The following CSMD3 variants were observed in gnomAD, a reference collection of about 807,000 sequenced individuals.
The protein encoded by CSMD3 is CUB and sushi domain-containing protein 3.
A neutral mutation model predicts 435.2 loss-of-function variants in CSMD3; 177 were observed. The observed-to-expected ratio is 0.41, with a 90% CI of 0.36 to 0.46. CSMD3 has a LOEUF of 0.46. CSMD3 is among the 20% of genes least tolerant of loss of function. The pLI, the probability that CSMD3 is intolerant of heterozygous loss-of-function variation, is 0.34. For synonymous variants in CSMD3, 1,656 were observed against 1,520.5 expected (o/e 1.09, Z -2.07); for missense variants, 4,265 against 4,504.6 (o/e 0.95, Z 1.52).
At chr8:112,628,594 G>A (rs1280339456) in intron 22 of CSMD3, among the ~76,000 whole-genome samples, 1 of 152,154 alleles carries the variant, frequency 6.6e-6, no homozygotes. Flanking sequence ...GTAAATGAAA[G>A]TTAGTAAGTT....
At chr8:112,353,592 T>A (rs994132588) in intron 38 of CSMD3, among the ~76,000 whole-genome samples, 2 of 152,118 alleles carry the variant, frequency 1.3e-5, no homozygotes, top group Admixed American at 1.3e-4. Flanking sequence ...CAAGATAGAA[T>A]TTTTTATCTA....
At chr8:112,897,688 CTCTCTCTGTGTG>C (rs1453672348) in intron 10 of CSMD3, among the ~76,000 whole-genome samples, 90 of 89,776 alleles carry the variant, frequency 1.0e-3, no homozygotes, top group East Asian at 1.9e-3. Flanking sequence ...CTCTCTCTCT[CTCTCTCTGTGTG>C]TGTGTGTGTG....
intron 1 of CSMD3, among the ~76,000 whole-genome samples, chr8:113,338,725 G>T (rs1160006612): frequency 6.6e-6 from 1 of 151,870 alleles, no homozygotes; most frequent in South Asian, 2.1e-4. Context: ...CTGCACAGAG[G>T]TAAGTGGCTG....
intron 4 of CSMD3, among the ~76,000 whole-genome samples, chr8:113,172,101 C>G (rs1246328298): frequency 1.3e-5 from 2 of 152,164 alleles, no homozygotes; most frequent in Non-Finnish European, 2.9e-5. Context: ...ATTCTTGCTC[C>G]TAGTGCTGCT....
intron 3 of CSMD3, among the ~76,000 whole-genome samples, chr8:113,259,188 C>T (rs1321633610): frequency 6.6e-6 from 1 of 152,110 alleles, no homozygotes; most frequent in African/African-American, 2.4e-5. Flanking sequence ...GTGGTCTCAT[C>T]CTTCTCTTGT....
chr8:113,151,831 AT>A (rs2131787536), intron 4 of CSMD3, among the ~76,000 whole-genome samples: 1 of 152,178 alleles, frequency 6.6e-6, no homozygotes, highest in South Asian at 2.1e-4. Context: ...TCTGACACAT[AT>A]TAGAAGTTTT....
chr8:113,094,699 C>T (rs560257030), intron 5 of CSMD3, among the ~76,000 whole-genome samples: 1 of 152,012 alleles, frequency 6.6e-6, no homozygotes, highest in South Asian at 2.1e-4. Flanking sequence ...TTCTAGCATA[C>T]AGAAAAGACA....
At chr8:112,551,014 ATTC>A in intron 26 of CSMD3, 141 bp from the exon 27 acceptor site, 1 of 643,672 alleles carries the variant, frequency 1.6e-6, no homozygotes, top group Non-Finnish European at 2.7e-6. Context: ...AACAGCATAT[ATTC>A]TTAATATATT....
chr8:112,670,896 T>C (rs2075640469), intron 16 of CSMD3, among the ~76,000 whole-genome samples: 1 of 152,074 alleles, frequency 6.6e-6, no homozygotes. Context: ...AAGGTGAATA[T>C]TTAGAGGAAA....
intron 22 of CSMD3, among the ~76,000 whole-genome samples, chr8:112,616,569 T>C (rs150862563): frequency 6.6e-6 from 1 of 152,214 alleles, no homozygotes; most frequent in Non-Finnish European, 1.5e-5. Context: ...GGGTCACAAG[T>C]GCAGCAAATG....
chr8:112,911,827 T>C (rs1363280521), intron 10 of CSMD3, among the ~76,000 whole-genome samples: 1 of 127,432 alleles, frequency 7.8e-6, no homozygotes, highest in Non-Finnish European at 1.6e-5. Context: ...TAATATAACA[T>C]ATATACATTA....
At chr8:112,465,911 G>T (rs1024489846) in intron 32 of CSMD3, among the ~76,000 whole-genome samples, 1 of 150,658 alleles carries the variant, frequency 6.6e-6, no homozygotes, top group African/African-American at 2.5e-5. Flanking sequence ...GGAGGCGAAG[G>T]TTGCAGTGAG....
chr8:112,705,624 C>A (rs1409091145), intron 13 of CSMD3, among the ~76,000 whole-genome samples: 3 of 151,878 alleles, frequency 2.0e-5, no homozygotes, highest in African/African-American at 7.3e-5. Flanking sequence ...GAAATTTTTC[C>A]TCCCCTGCAT....
intron 1 of CSMD3, among the ~76,000 whole-genome samples, chr8:113,360,631 T>G (rs2094267700): frequency 7.1e-6 from 1 of 140,310 alleles, no homozygotes; most frequent in African/African-American, 2.7e-5. Context: ...TGGAGTGCAG[T>G]GGCGAGATCT....
chr8:112,562,075 C>G (rs910867406), intron 24 of CSMD3, among the ~76,000 whole-genome samples: 3 of 151,608 alleles, frequency 2.0e-5, no homozygotes, highest in Non-Finnish European at 4.4e-5. Context: ...AGGGCATGCA[C>G]TATTTAAAGA....
chr8:113,018,900 G>T (rs2086576039), intron 6 of CSMD3, 167 bp downstream of exon 6: 1 of 632,474 alleles, frequency 1.6e-6, no homozygotes. Context: ...CTTTAATACT[G>T]TAATTTAGTT....
chr8:112,333,768 C>T (rs141428481), intron 45 of CSMD3, among the ~76,000 whole-genome samples: 24 of 151,772 alleles, frequency 1.6e-4, no homozygotes, highest in African/African-American at 5.1e-4. Flanking sequence ...TTTATACTTC[C>T]TATAGGGTTA....
At chr8:113,184,764 C>T (rs2092473990) in intron 3 of CSMD3, among the ~76,000 whole-genome samples, 1 of 151,988 alleles carries the variant, frequency 6.6e-6, no homozygotes, top group African/African-American at 2.4e-5. Flanking sequence ...CAGATGTGGT[C>T]TCCACAAACC....
intron 27 of CSMD3, among the ~76,000 whole-genome samples, chr8:112,541,754 A>G (rs1189556059): frequency 6.6e-6 from 1 of 152,074 alleles, no homozygotes; most frequent in African/African-American, 2.4e-5. Context: ...CAAAACCAAA[A>G]ACAAACAAAA....
Sources: allele counts gnomAD v4.1 joint callset (sites outside exome capture counted in the v4.1 genomes callset), GRCh38; gene constraint gnomAD v4.1.1; transcripts MANE v1.5; gene names NCBI Gene and HGNC (gene_info 2026-07-23, HGNC 2026-07-21).